The following TCERG1L variants were observed in gnomAD, a reference collection of about 807,000 sequenced individuals.
TCERG1L encodes the protein transcription elongation regulator 1-like protein.
Under a neutral mutation model 56.3 loss-of-function variants are expected in TCERG1L, and 37 were observed. The observed-to-expected ratio is 0.66, with a 90% CI of 0.51 to 0.87. The LOEUF (loss-of-function observed/expected upper bound fraction) is 0.87. Ranked by LOEUF, TCERG1L falls within the 40% of genes least tolerant of loss-of-function variation. The pLI, the probability that TCERG1L is intolerant of heterozygous loss-of-function variation, is 0.00. For synonymous variants in TCERG1L, 324 were observed against 326.3 expected, an observed-to-expected ratio of 0.99 and a Z score of 0.08; for missense variants, 799 against 774.2, an observed-to-expected ratio of 1.03 and a Z score of -0.38.
At chr10:131,186,770 A>ACACCAC (rs1845249473) in intron 4 of TCERG1L, among the ~76,000 whole-genome samples, 1 of 152,136 alleles carries the variant, frequency 6.6e-6, no homozygotes, top group Non-Finnish European at 1.5e-5. Flanking sequence ...CGGGCACTCC[A>ACACCAC]CACCACCAAG....
chr10:131,106,117 C>T (rs540198095), intron 9 of TCERG1L, among the ~76,000 whole-genome samples: 2 of 152,354 alleles, frequency 1.3e-5, no homozygotes, highest in African/African-American at 4.8e-5. Flanking sequence ...CTTCTAGACT[C>T]TCTCAGCTGA....
At chr10:131,107,954 C>T (rs1845370198) in intron 9 of TCERG1L, among the ~76,000 whole-genome samples, 2 of 124,692 alleles carry the variant, frequency 1.6e-5, no homozygotes, top group African/African-American at 6.7e-5. Flanking sequence ...CACATGTGTG[C>T]CTACACACAC....
At chr10:131,287,672 G>A (rs555880037) in intron 3 of TCERG1L, among the ~76,000 whole-genome samples, 10 of 152,246 alleles carry the variant, frequency 6.6e-5, no homozygotes, top group East Asian at 1.9e-4. Flanking sequence ...CATCTAGAGC[G>A]GGCTTACTCA....
chr10:131,178,398 C>T (rs539355041), intron 4 of TCERG1L, among the ~76,000 whole-genome samples: 12 of 152,284 alleles, frequency 7.9e-5, no homozygotes, highest in African/African-American at 2.2e-4. Flanking sequence ...AATGGGGTAA[C>T]GAGTATCTCA....
chr10:131,110,714 G>A (rs1285709915), intron 9 of TCERG1L, among the ~76,000 whole-genome samples: 4 of 152,340 alleles, frequency 2.6e-5, no homozygotes, highest in South Asian at 2.1e-4. Flanking sequence ...CTTCAGTCCC[G>A]GCTTCACCAA....
At position 131,251,857 on chromosome 10, in the gene TCERG1L, C is replaced by T. The variant is rs145254479; in HGVS notation, c.856+8402G>A. ...CATTAAACACATTGGCAGTACTTAA[C>T]GCCAGCCGTCACCACCATCCACACT... On this transcript the variant is annotated intron_variant, in intron 4 of 11. Coordinates refer to ENST00000368642, the MANE Select transcript of TCERG1L (RefSeq NM_174937.4). 1.8e-3 allele frequency among the ~76,000 whole-genome samples: 279 copies of T among 152,254 alleles called. 1 individual carries two copies. Among genetic ancestry groups the T allele is most frequent in the Non-Finnish European group, 2.7e-3 (186 of 68,014 alleles).
chr10:131,095,196 C>A (rs531503081), intron 11 of TCERG1L: 3 of 152,566 alleles, frequency 2.0e-5, no homozygotes, highest in African/African-American at 7.5e-5. Flanking sequence ...CCAACCCCAC[C>A]GGGTGTCAAC....
intron 9 of TCERG1L, among the ~76,000 whole-genome samples, chr10:131,106,299 G>C (rs1845351128): frequency 6.6e-6 from 1 of 152,230 alleles, no homozygotes; most frequent in Non-Finnish European, 1.5e-5. Context: ...ACAGACTCTT[G>C]AGATGGCACT....
chr10:131,290,587 C>T (rs1022482910), intron 3 of TCERG1L, among the ~76,000 whole-genome samples: 2 of 145,842 alleles, frequency 1.4e-5, no homozygotes, highest in African/African-American at 2.5e-5. Context: ...GCTGAGATCG[C>T]GCCATTGCAC....
chr10:131,266,382 T>G (rs1846286206), intron 3 of TCERG1L, among the ~76,000 whole-genome samples: 1 of 152,240 alleles, frequency 6.6e-6, no homozygotes, highest in Admixed American at 6.5e-5. Flanking sequence ...TGTTCACGGC[T>G]GCAGAATGGA....
At chr10:131,094,245 C>T (rs1379847050) in intron 11 of TCERG1L, among the ~76,000 whole-genome samples, 4 of 152,240 alleles carry the variant, frequency 2.6e-5, no homozygotes, top group Non-Finnish European at 5.9e-5. Flanking sequence ...TGCAGATGCA[C>T]TCGCTTGTCC....
chr10:131,305,149 T>G (rs1292982290), intron 3 of TCERG1L, among the ~76,000 whole-genome samples: 3 of 152,072 alleles, frequency 2.0e-5, no homozygotes, highest in Non-Finnish European at 4.4e-5. Flanking sequence ...CATGCGCCAC[T>G]TGCATTTCTC....
chr10:131,255,600 G>A (rs528823745), intron 4 of TCERG1L, among the ~76,000 whole-genome samples: 3 of 152,352 alleles, frequency 2.0e-5, no homozygotes, highest in East Asian at 3.9e-4. Flanking sequence ...CCTTAGGCAC[G>A]CTGTGGCGTG....
chr10:131,280,129 C>G (rs2133561637), intron 3 of TCERG1L, among the ~76,000 whole-genome samples: 1 of 152,310 alleles, frequency 6.6e-6, no homozygotes, highest in East Asian at 1.9e-4. Flanking sequence ...TTTACACATT[C>G]TATACATTCA....
intron 3 of TCERG1L, among the ~76,000 whole-genome samples, chr10:131,273,327 C>T (rs1380321047): frequency 6.6e-6 from 1 of 152,154 alleles, no homozygotes; most frequent in Non-Finnish European, 1.5e-5. Context: ...GGCTCGGGCA[C>T]ATCCAGCTGG....
At chr10:131,199,904 C>T (rs760381106) in intron 4 of TCERG1L, among the ~76,000 whole-genome samples, 4 of 152,292 alleles carry the variant, frequency 2.6e-5, no homozygotes, top group South Asian at 2.1e-4. Flanking sequence ...AAGTGTGTCC[C>T]GGCGGCTGCC....
chr10:131,196,744 C>G (rs1376982866), intron 4 of TCERG1L, among the ~76,000 whole-genome samples: 1 of 152,176 alleles, frequency 6.6e-6, no homozygotes, highest in Non-Finnish European at 1.5e-5. Flanking sequence ...AACACCACCA[C>G]CAAGCAATTC....
intron 4 of TCERG1L, among the ~76,000 whole-genome samples, chr10:131,174,398 G>A (rs1846125105): frequency 6.6e-6 from 1 of 152,192 alleles, no homozygotes; most frequent in Non-Finnish European, 1.5e-5. Flanking sequence ...CTGCTCAGTA[G>A]GCCAGGAGGA....
At chr10:131,285,047 T>C (rs1846505906) in intron 3 of TCERG1L, among the ~76,000 whole-genome samples, 1 of 152,018 alleles carries the variant, frequency 6.6e-6, no homozygotes, top group African/African-American at 2.4e-5. Context: ...ATGAATCCAG[T>C]ATAGCTTTCA....
Sources: allele counts gnomAD v4.1 joint callset (sites outside exome capture counted in the v4.1 genomes callset), GRCh38; gene constraint gnomAD v4.1.1; transcripts MANE v1.5; gene names NCBI Gene and HGNC (gene_info 2026-07-23, HGNC 2026-07-21).